RFX8: variants seen among roughly 807,000 people sequenced by gnomAD.
RFX8 encodes the protein DNA-binding protein RFX8.
Under a neutral mutation model 54.6 loss-of-function variants are expected in RFX8, and 46 were observed. That is an observed-to-expected ratio of 0.84 (90% CI 0.67 to 1.08). The LOEUF is 1.08. Among genes scored for constraint, RFX8 ranks in the 50% least tolerant of loss-of-function variants. The pLI is 0.00. For synonymous variants in RFX8, 192 were observed against 209.5 expected, an observed-to-expected ratio of 0.92 and a Z score of 0.72; for missense variants, 536 against 562.3, an observed-to-expected ratio of 0.95 and a Z score of 0.47.
intron 11 of RFX8, among the ~76,000 whole-genome samples, chr2:101,398,287 A>G (rs1395280366): frequency 2.0e-5 from 3 of 152,144 alleles, no homozygotes; most frequent in Non-Finnish European, 4.4e-5. Context: ...CTTTAGGGAA[A>G]GGCAGTTTGT....
At chr2:101,468,373 C>T (rs1401748850) in intron 1 of RFX8, among the ~76,000 whole-genome samples, 3 of 152,158 alleles carry the variant, frequency 2.0e-5, no homozygotes, top group Non-Finnish European at 4.4e-5. Flanking sequence ...CAGTGTTCCT[C>T]GGCTTCACTC....
chr2:101,469,096 ATATATATATAAGTG>A (rs777345524), intron 1 of RFX8, among the ~76,000 whole-genome samples: 66,946 of 113,134 alleles, frequency 0.59, 21,862 homozygotes, highest in Non-Finnish European at 0.63. Flanking sequence ...ATATATAAGT[ATATATATATAAGTG>A]TATATATATA....
chr2:101,402,925 A>C (rs1685532674), intron 10 of RFX8, among the ~76,000 whole-genome samples, 173 bp from the exon 11 acceptor site: 1 of 151,750 alleles, frequency 6.6e-6, no homozygotes, highest in African/African-American at 2.4e-5. Flanking sequence ...TCAGTAGAAA[A>C]CCCCTGGCAG....
At chr2:101,424,083 G>A (rs1687027493) in intron 2 of RFX8, among the ~76,000 whole-genome samples, 1 of 152,208 alleles carries the variant, frequency 6.6e-6, no homozygotes, top group African/African-American at 2.4e-5. Flanking sequence ...TTGGAATGAT[G>A]TAGGGGTATA....
intron 7 of RFX8, among the ~76,000 whole-genome samples, chr2:101,413,886 G>C (rs1321693268): frequency 6.6e-6 from 1 of 152,108 alleles, no homozygotes; most frequent in Non-Finnish European, 1.5e-5. Flanking sequence ...CTCTGCACTG[G>C]GAGGATGGGG....
intron 2 of RFX8, among the ~76,000 whole-genome samples, chr2:101,436,202 G>A (rs12470038): frequency 0.27 from 40,910 of 152,026 alleles, 5,865 homozygotes; most frequent in South Asian, 0.35. Context: ...AGGAGATAAG[G>A]GCTTATCTTG....
intron 1 of RFX8, among the ~76,000 whole-genome samples, chr2:101,469,107 A>ATATATATAC (rs1689816249): frequency 5.3e-5 from 1 of 18,922 alleles, no homozygotes; most frequent in African/African-American, 1.6e-4. Flanking sequence ...TATATATATA[A>ATATATATAC]GTGTATATAT....
intron 2 of RFX8, 148 bp downstream of exon 2, chr2:101,466,629 G>A (rs1689587970): frequency 1.4e-6 from 1 of 695,600 alleles, no homozygotes; most frequent in Admixed American, 2.3e-5. Flanking sequence ...TCAATTAGCT[G>A]AAGGATGTTG....
chr2:101,460,209 G>A (rs957881721), intron 2 of RFX8, among the ~76,000 whole-genome samples: 12 of 151,908 alleles, frequency 7.9e-5, no homozygotes, highest in Middle Eastern at 3.4e-3. Flanking sequence ...CTGGTGAGGC[G>A]ACACCCCACC....
chr2:101,447,101 A>C (rs1688431922), intron 2 of RFX8, among the ~76,000 whole-genome samples: 1 of 152,124 alleles, frequency 6.6e-6, no homozygotes, highest in Admixed American at 6.5e-5. Context: ...GGCTTGACTG[A>C]ATCATCTCTG....
chr2:101,419,022 C>A lies in RFX8; in HGVS notation c.238-58G>T, dbSNP rs939862734. 5 of 834,840 alleles carry A rather than the reference C, an allele frequency of 6.0e-6. No individual in the cohort carries two copies. The African/African-American group carries it at 6.8e-5, about 11-fold the overall frequency. 51.7% of individuals were successfully genotyped at this position (834,840 alleles called of 1,614,324 possible). ...TCGTTTTCCACCTCGCAAGACTAAC[C>A]CCCCGCCACAGATACTTCCTTAGCC... On this transcript the variant is annotated intron_variant, in intron 4 of 11. Coordinates refer to ENST00000428343, the MANE Select transcript of RFX8 (RefSeq NM_001145664.2).
chr2:101,412,818 C>T (rs1159347746), intron 8 of RFX8, 97 bp downstream of exon 8: 1 of 1,170,296 alleles, frequency 8.5e-7, no homozygotes, highest in Non-Finnish European at 1.2e-6. Context: ...TTATAAAGTT[C>T]TACCCCTATT....
At chr2:101,434,776 C>CT (rs1216200229) in intron 2 of RFX8, 2 of 152,204 alleles carry the variant, frequency 1.3e-5, no homozygotes, top group Non-Finnish European at 2.9e-5. Context: ...TCCAACCAGC[C>CT]TTGAAAACCA....
chr2:101,466,959 T>C (rs1200218789), intron 1 of RFX8, 59 bp from the exon 2 acceptor site: 1 of 751,352 alleles, frequency 1.3e-6, no homozygotes, highest in Non-Finnish European at 2.3e-6. Flanking sequence ...GAGCAAAATA[T>C]TTTGACAAAA....
At chr2:101,400,706 C>G (rs183225257) in intron 11 of RFX8, among the ~76,000 whole-genome samples, 1 of 152,220 alleles carries the variant, frequency 6.6e-6, no homozygotes, top group South Asian at 2.1e-4. Context: ...ATGCTACACT[C>G]CGACCTCTTG....
At chr2:101,409,548 G>A (rs981143027) in intron 9 of RFX8, among the ~76,000 whole-genome samples, 1 of 151,646 alleles carries the variant, frequency 6.6e-6, no homozygotes, top group African/African-American at 2.4e-5. Flanking sequence ...TTGTTGCCCA[G>A]GCTGGAGTGC....
intron 2 of RFX8, among the ~76,000 whole-genome samples, chr2:101,441,408 G>C (rs1429556223): frequency 6.6e-6 from 1 of 152,156 alleles, no homozygotes; most frequent in Non-Finnish European, 1.5e-5. Context: ...AATGAGACTG[G>C]TGGCTTTGTA....
intron 2 of RFX8, among the ~76,000 whole-genome samples, chr2:101,439,783 G>T (rs1051294078): frequency 4.0e-5 from 6 of 151,866 alleles, no homozygotes; most frequent in Admixed American, 3.3e-4. Context: ...CACAATCTTG[G>T]CTTACTGCAA....
At chr2:101,459,384 C>G (rs1689148080) in intron 2 of RFX8, among the ~76,000 whole-genome samples, 1 of 152,158 alleles carries the variant, frequency 6.6e-6, no homozygotes, top group East Asian at 1.9e-4. Flanking sequence ...TGGTGACCTA[C>G]AGATGGGGTT....
Sources: gnomAD v4.1 joint callset for allele counts (sites outside exome capture counted in the v4.1 genomes callset) on GRCh38, gnomAD v4.1.1 for gene constraint, MANE v1.5 for transcripts, NCBI Gene and HGNC (gene_info 2026-07-23, HGNC 2026-07-21) for gene names.